Variants in DNAH3 observed in about 807,000 individuals in gnomAD.
DNAH3 encodes dynein axonemal heavy chain 3.
Under a neutral mutation model 432.5 loss-of-function variants are expected in DNAH3, and 332 were observed. The observed-to-expected ratio is 0.77, with a 90% CI of 0.70 to 0.84. The LOEUF (loss-of-function observed/expected upper bound fraction) is 0.84, where lower values mean the gene tolerates loss of function less well. Ranked by LOEUF, DNAH3 falls within the 40% of genes least tolerant of loss-of-function variation. The probability of loss-of-function intolerance (pLI) is 0.00; values close to 1 mark genes in which losing one functional copy is unlikely to be tolerated. For missense variants in DNAH3, 4,861 were observed against 5,114.0 expected, an observed-to-expected ratio of 0.95 and a Z score of 1.51; for synonymous variants, 1,956 against 1,900.2, an observed-to-expected ratio of 1.03 and a Z score of -0.76.
intron 5 of DNAH3, among the ~76,000 whole-genome samples, chr16:21,139,538 A>T (rs1345464837): frequency 1.3e-5 from 2 of 151,630 alleles, no homozygotes; most frequent in Non-Finnish European, 2.9e-5. Flanking sequence ...ATGTAGTGGC[A>T]CAATCATAGC....
intron 15 of DNAH3, 134 bp downstream of exon 15, chr16:21,106,356 A>T: frequency 1.3e-6 from 1 of 767,160 alleles, no homozygotes; most frequent in South Asian, 5.2e-5. Context: ...TAGAATTCAT[A>T]TAACTATCCT....
In DNAH3 at chr16:21,135,874, TA is replaced by T. The variant is rs200043852; in HGVS notation, c.886+449del. On this transcript the variant is annotated intron_variant, in intron 6 of 61. Coordinates refer to ENST00000261383, the Ensembl canonical transcript of DNAH3. ...AGGCAACATAGGGAGACCTTGTCGCTAAAAAAAAAAAAAAAAAATTGTTTTA... is the reference window on the plus strand; with the variant it reads ...AGGCAACATAGGGAGACCTTGTCGCTAAAAAAAAAAAAAAAAATTGTTTTA... Among the ~76,000 whole-genome samples, 1,148 of 128,566 alleles carry T rather than the reference TA, an allele frequency of 8.9e-3. 3 individuals are homozygous for T. Among genetic ancestry groups the T allele is most frequent in the African/African-American group, 0.016 (538 of 33,974 alleles). 84.3% of individuals were successfully genotyped at this position (128,566 alleles called of 152,430 possible).
intron 7 of DNAH3, 123 bp downstream of exon 8, chr16:21,134,135 AT>A (rs1483699179): frequency 8.5e-5 from 83 of 980,446 alleles, no homozygotes; most frequent in Non-Finnish European, 1.0e-4. Flanking sequence ...TTTGGCCTAG[AT>A]TTTTTTTTCT....
intron 21 of DNAH3, among the ~76,000 whole-genome samples, chr16:21,072,875 G>T (rs533411750): frequency 9.6e-4 from 144 of 150,438 alleles, no homozygotes; most frequent in African/African-American, 3.3e-3. Context: ...GTAGAGAGGG[G>T]GTGTTGCTGT....
chr16:21,086,835 T>C lies in DNAH3; in HGVS notation c.2877+14A>G, dbSNP rs1249629304. The C allele has an allele frequency of 1.2e-6, 2 of 1,612,510 alleles. No individual in the cohort carries two copies. Among genetic ancestry groups the C allele is most frequent in the East Asian group, 4.5e-5 (2 of 44,858 alleles). ...GGCTGCGCTGCTTGGGGGCGGGCAG[T>C]GATTGATAGAAACCTGCTGCCAGTG... On this transcript the variant is annotated intron_variant, in intron 19 of 61. Coordinates refer to ENST00000261383, the Ensembl canonical transcript of DNAH3.
At chr16:20,966,040 TTTTTTTTTTTTTTTG>T in intron 52 of DNAH3, among the ~76,000 whole-genome samples, 2 of 104,192 alleles carry the variant, frequency 1.9e-5, no homozygotes, top group African/African-American at 8.2e-5. Flanking sequence ...TTTTTTTTTT[TTTTTTTTTTTTTTTG>T]AGATGGAGTC....
chr16:20,999,463 A>G (rs1344565310), intron 43 of DNAH3, among the ~76,000 whole-genome samples: 1 of 152,196 alleles, frequency 6.6e-6, no homozygotes, highest in East Asian at 1.9e-4. Context: ...TCCTCTGAAT[A>G]CATGAGTTTT....
At chr16:20,964,763 G>GACTGAAGTC (rs1297738803) in exon 53 of DNAH3, 1 of 1,614,110 alleles carries the variant, frequency 6.2e-7, no homozygotes. Flanking sequence ...GTGTGGCTGA[G>GACTGAAGTC]ACTGAAGTCA....
intron 51 of DNAH3, among the ~76,000 whole-genome samples, chr16:20,974,579 G>GTTTTTTTTTTTTT (rs752437227): frequency 8.6e-5 from 7 of 81,842 alleles, no homozygotes; most frequent in Admixed American, 1.9e-4. Flanking sequence ...GTTTTATAGT[G>GTTTTTTTTTTTTT]TTTTTTTTTT....
exon 53 of DNAH3, chr16:20,964,676 T>C (rs777286136): frequency 3.1e-6 from 5 of 1,614,082 alleles, no homozygotes; most frequent in South Asian, 2.2e-5. Flanking sequence ...GATACAATGA[T>C]GCCATTGTCG....
At chr16:21,158,677 T>C (rs1254560132) in intron 1 of DNAH3, 1 of 152,904 alleles carries the variant, frequency 6.5e-6, no homozygotes, top group East Asian at 1.9e-4. Flanking sequence ...CTTCTTCCTC[T>C]TGTTCCTCCT....
intron 51 of DNAH3, among the ~76,000 whole-genome samples, chr16:20,974,583 T>TG (rs1336530794): frequency 4.5e-5 from 6 of 132,764 alleles, no homozygotes; most frequent in Non-Finnish European, 8.1e-5. Context: ...TATAGTGTTT[T>TG]TTTTTTTTTT....
intron 14 of DNAH3, among the ~76,000 whole-genome samples, chr16:21,111,384 G>A (rs773375674): frequency 1.2e-4 from 19 of 152,148 alleles, no homozygotes; most frequent in Non-Finnish European, 2.2e-4. Context: ...AAAAGCTTCA[G>A]GATCAGAGAC....
intron 14 of DNAH3, among the ~76,000 whole-genome samples, chr16:21,109,457 GTAT>G (rs1456865073): frequency 2.4e-4 from 36 of 152,034 alleles, no homozygotes; most frequent in Non-Finnish European, 7.4e-5. Flanking sequence ...ATGGTCACTA[GTAT>G]TATTATTAAT....
intron 3 of DNAH3, among the ~76,000 whole-genome samples, chr16:21,142,488 G>A (rs139648973): frequency 6.6e-5 from 10 of 152,004 alleles, no homozygotes; most frequent in African/African-American, 2.2e-4. Flanking sequence ...CATATTTATT[G>A]CAAGTAGAAA....
intron 21 of DNAH3, among the ~76,000 whole-genome samples, chr16:21,071,844 A>G (rs7188262): frequency 0.24 from 36,881 of 151,876 alleles, 4,752 homozygotes; most frequent in East Asian, 0.46. Flanking sequence ...CTTTCCCTAT[A>G]TTCCTGCTTC....
intron 44 of DNAH3, among the ~76,000 whole-genome samples, chr16:20,991,847 G>A (rs751669098): frequency 6.6e-6 from 1 of 152,130 alleles, no homozygotes; most frequent in African/African-American, 2.4e-5. Context: ...ACTCAATAAT[G>A]TTTCTCCTTT....
At chr16:20,985,839 T>C (rs1336650937) in intron 47 of DNAH3, 124 bp from the exon 48 acceptor site, 11 of 966,790 alleles carry the variant, frequency 1.1e-5, no homozygotes, top group African/African-American at 3.3e-5. Flanking sequence ...TTCAAGGTCA[T>C]GGGTCATCAG....
At chr16:21,114,332 TA>T (rs570152378) in intron 12 of DNAH3, among the ~76,000 whole-genome samples, 286 of 150,832 alleles carry the variant, frequency 1.9e-3, no homozygotes, top group African/African-American at 6.6e-3. Context: ...TCTCTGCCTG[TA>T]ATCAAATGAC....
Sources: allele counts gnomAD v4.1 joint callset (sites outside exome capture counted in the v4.1 genomes callset), GRCh38; gene constraint gnomAD v4.1.1; transcripts MANE v1.5; gene names NCBI Gene and HGNC (gene_info 2026-07-23, HGNC 2026-07-21).